Variants in RALGPS1 observed in about 807,000 individuals in gnomAD.
RALGPS1 encodes the protein ras-specific guanine nucleotide-releasing factor RalGPS1.
A neutral mutation model predicts 78.8 loss-of-function variants in RALGPS1; 19 were observed. The observed-to-expected ratio is 0.24, with a 90% CI of 0.17 to 0.35. The LOEUF (loss-of-function observed/expected upper bound fraction) is 0.35. Among genes scored for constraint, RALGPS1 ranks in the 10% least tolerant of loss-of-function variants. The probability of loss-of-function intolerance (pLI) is 1.00; values close to 1 mark genes in which losing one functional copy is unlikely to be tolerated. For synonymous variants in RALGPS1, 228 were observed against 256.3 expected (o/e 0.89, Z 1.06); for missense variants, 454 against 688.3 (o/e 0.66, Z 3.81).
chr9:127,080,303 T>C (rs1035851550), intron 8 of RALGPS1, among the ~76,000 whole-genome samples: 5 of 152,232 alleles, frequency 3.3e-5, no homozygotes, highest in Non-Finnish European at 5.9e-5. Context: ...ACTCATTCTT[T>C]TAAAAACTTA....
intron 8 of RALGPS1, chr9:127,108,903 T>C (rs2054528858): frequency 1.1e-5 from 8 of 699,582 alleles, no homozygotes; most frequent in Non-Finnish European, 1.8e-5. Context: ...TTCAGGATGC[T>C]GGGTTATATT....
intron 14 of RALGPS1, among the ~76,000 whole-genome samples, chr9:127,203,294 T>A (rs183178720): frequency 1.2e-4 from 18 of 152,364 alleles, no homozygotes. Flanking sequence ...TGTAAATGTT[T>A]CTTTTCTACC....
intron 4 of RALGPS1, among the ~76,000 whole-genome samples, chr9:127,009,597 G>C (rs978301157): frequency 3.9e-5 from 6 of 152,174 alleles, no homozygotes; most frequent in Non-Finnish European, 5.9e-5. Flanking sequence ...TCTACTGAAG[G>C]GGTTGTGAGT....
intron 4 of RALGPS1, among the ~76,000 whole-genome samples, chr9:126,981,410 T>A (rs1195285874): frequency 6.6e-6 from 1 of 152,206 alleles, no homozygotes; most frequent in Non-Finnish European, 1.5e-5. Context: ...CAGCTCCCAA[T>A]GATGGAGTGG....
intron 1 of RALGPS1, among the ~76,000 whole-genome samples, chr9:126,921,421 G>T (rs547075087): frequency 6.6e-6 from 1 of 152,324 alleles, no homozygotes; most frequent in South Asian, 2.1e-4. Context: ...CTGAGTACCT[G>T]CACTGATCAT....
At chr9:126,963,552 C>T (rs1224969818) in intron 2 of RALGPS1, among the ~76,000 whole-genome samples, 1 of 152,184 alleles carries the variant, frequency 6.6e-6, no homozygotes, top group Non-Finnish European at 1.5e-5. Flanking sequence ...ATTTTGATGA[C>T]TGAGTGATAC....
At chr9:127,093,347 C>A (rs911104351) in intron 8 of RALGPS1, among the ~76,000 whole-genome samples, 2 of 152,190 alleles carry the variant, frequency 1.3e-5, no homozygotes, top group African/African-American at 2.4e-5. Flanking sequence ...TTGGGACTTG[C>A]GCCTTCTGGG....
At chr9:127,142,640 A>G (rs912810698) in intron 8 of RALGPS1, among the ~76,000 whole-genome samples, 1 of 152,236 alleles carries the variant, frequency 6.6e-6, no homozygotes, top group East Asian at 1.9e-4. Context: ...CAGGACCACA[A>G]ACATTTTACT....
In RALGPS1 at chr9:127,211,436, C is replaced by T. The variant is rs929182844; in HGVS notation, c.1248-695C>T. On this transcript the variant is annotated intron_variant, in intron 14 of 18. Transcript: ENST00000259351. The surrounding 1 kb of genome is among the most constrained non-coding windows in gnomAD (Gnocchi z 5.0). ...ATTTAGTGCCTGATCCCCAGTGCAT[C>T]CTTGGGATTGATTAGGTTGCAGGGG... Among the ~76,000 whole-genome samples, 4 of 152,100 alleles carry T rather than the reference C, an allele frequency of 2.6e-5. No homozygotes were observed. Among genetic ancestry groups the T allele is most frequent in the African/African-American group, 9.7e-5 (4 of 41,416 alleles).
intron 8 of RALGPS1, chr9:127,069,991 C>T (rs1308094360): frequency 2.6e-5 from 4 of 152,162 alleles, no homozygotes; most frequent in Admixed American, 2.6e-4. Flanking sequence ...AAACTCGAAT[C>T]TGCTCTCCAA....
intron 4 of RALGPS1, among the ~76,000 whole-genome samples, chr9:127,026,853 C>G (rs2046003095): frequency 6.6e-6 from 1 of 151,664 alleles, no homozygotes; most frequent in Non-Finnish European, 1.5e-5. Flanking sequence ...AGTTCTCTAA[C>G]TGTCAGCAAA....
chr9:127,138,760 C>T (rs1037209076), intron 8 of RALGPS1, among the ~76,000 whole-genome samples: 1 of 152,106 alleles, frequency 6.6e-6, no homozygotes, highest in Non-Finnish European at 1.5e-5. Flanking sequence ...GTGCCTGCCT[C>T]AGAGAGCTGC....
At chr9:126,926,196 C>T (rs1459322018) in intron 1 of RALGPS1, among the ~76,000 whole-genome samples, 1 of 152,194 alleles carries the variant, frequency 6.6e-6, no homozygotes, top group Non-Finnish European at 1.5e-5. Flanking sequence ...GAAGCAAATA[C>T]TTGGACCTCA....
At position 126,971,300 on chromosome 9, in the gene RALGPS1, C is replaced by T. The variant is rs532777415; in HGVS notation, c.165+5349C>T. ...TTTAAAAAAAAAAAAGATTTGAAAC[C>T]GCATATTGAAAGAACACACCATGAA... On this transcript the variant is annotated intron_variant, in intron 3 of 18. Transcript: ENST00000259351. Among the ~76,000 whole-genome samples the T allele has an allele frequency of 5.3e-5, 8 of 150,318 alleles. No individual in the cohort carries two copies. The East Asian group carries it at 1.5e-3, about 29-fold the overall frequency.
At chr9:127,210,822 T>C (rs2062208604) in intron 14 of RALGPS1, 3 of 1,474,848 alleles carry the variant, frequency 2.0e-6, no homozygotes, top group East Asian at 2.5e-5. Flanking sequence ...ACATAGCTTG[T>C]TATGTGGCCT....
chr9:126,996,198 A>G (rs1186187801), intron 4 of RALGPS1, among the ~76,000 whole-genome samples: 1 of 152,210 alleles, frequency 6.6e-6, no homozygotes, highest in Non-Finnish European at 1.5e-5. Context: ...GAACTGAAGG[A>G]AATAGAGACA....
At chr9:127,054,475 A>G (rs1382907178) in intron 7 of RALGPS1, among the ~76,000 whole-genome samples, 1 of 152,134 alleles carries the variant, frequency 6.6e-6, no homozygotes, top group African/African-American at 2.4e-5. Flanking sequence ...CTGGGTGTCT[A>G]AGGGTCTTGC....
chr9:127,076,399 C>T (rs1589335879), intron 8 of RALGPS1, among the ~76,000 whole-genome samples: 1 of 152,174 alleles, frequency 6.6e-6, no homozygotes, highest in African/African-American at 2.4e-5. Flanking sequence ...ATTAGGTATT[C>T]TAACACTTCT....
intron 4 of RALGPS1, among the ~76,000 whole-genome samples, chr9:127,010,096 C>G (rs1281790203): frequency 3.3e-5 from 5 of 152,228 alleles, no homozygotes; most frequent in South Asian, 4.2e-4. Context: ...GAGAGTAGAA[C>G]AGTGGGAGGC....
Sources: gnomAD v4.1 joint callset for allele counts (sites outside exome capture counted in the v4.1 genomes callset) on GRCh38, gnomAD v4.1.1 for gene constraint, Gnocchi (gnomAD v3.1) non-coding constraint, MANE v1.5 for transcripts, NCBI Gene and HGNC (gene_info 2026-07-23, HGNC 2026-07-21) for gene names.